Variants in RAPGEF1 observed in about 807,000 individuals in gnomAD.
RAPGEF1 encodes Rap guanine nucleotide exchange factor 1.
In RAPGEF1, 33 loss-of-function variants were observed where a neutral mutation model predicts 143.3. The observed-to-expected ratio is 0.23, with a 90% CI of 0.17 to 0.31. RAPGEF1 has a LOEUF of 0.31. Ranked by LOEUF, RAPGEF1 falls within the 10% of genes least tolerant of loss-of-function variation. RAPGEF1 has a pLI of 1.00. For synonymous variants in RAPGEF1, 629 were observed against 676.5 expected (o/e 0.93, Z 1.09); for missense variants, 1,199 against 1,645.4 (o/e 0.73, Z 4.69).
intron 1 of RAPGEF1, among the ~76,000 whole-genome samples, chr9:131,723,470 T>C (rs1274575781): frequency 6.6e-6 from 1 of 152,194 alleles, no homozygotes; most frequent in Non-Finnish European, 1.5e-5. Context: ...CCTCAGCGCC[T>C]TTCGGTTGCT....
At chr9:131,638,528 A>C (rs1966862255) in intron 5 of RAPGEF1, 107 bp downstream of exon 5, 1 of 1,284,978 alleles carries the variant, frequency 7.8e-7, no homozygotes, top group African/African-American at 1.5e-5. Flanking sequence ...AGACGCAGAA[A>C]GACATTCTAA....
At chr9:131,600,336 G>A (rs1956064141) in intron 15 of RAPGEF1, among the ~76,000 whole-genome samples, 3 of 152,110 alleles carry the variant, frequency 2.0e-5, no homozygotes, top group Admixed American at 2.0e-4. Context: ...ATACTTTGGG[G>A]TCCAGTGAAG....
chr9:131,639,437 AGTGTGTGT>A (rs3837234), intron 4 of RAPGEF1, among the ~76,000 whole-genome samples: 2,275 of 149,154 alleles, frequency 0.015, 19 homozygotes, highest in Middle Eastern at 0.031. Context: ...AACGCAGGTG[AGTGTGTGT>A]GTGTGTGTGT....
intron 12 of RAPGEF1, among the ~76,000 whole-genome samples, chr9:131,616,869 G>T (rs1041039194): frequency 1.3e-5 from 2 of 152,200 alleles, no homozygotes; most frequent in Non-Finnish European, 2.9e-5. Context: ...CCTTCTCTGA[G>T]GTTCCGGCAT....
At chr9:131,721,396 TAACTA>T (rs1409503755) in intron 1 of RAPGEF1, among the ~76,000 whole-genome samples, 20 of 152,104 alleles carry the variant, frequency 1.3e-4, no homozygotes, top group Non-Finnish European at 2.4e-4. Context: ...TCCGGATATC[TAACTA>T]AGAGGCTAGA....
At chr9:131,614,969 A>G (rs961909990) in intron 12 of RAPGEF1, among the ~76,000 whole-genome samples, 1 of 152,248 alleles carries the variant, frequency 6.6e-6, no homozygotes, top group Non-Finnish European at 1.5e-5. Context: ...AAATATTTCA[A>G]CAGATTTCTA....
rs1223009702 is a variant in RAPGEF1 at position 131,667,867 on chromosome 9, G to A, written c.62-16918C>T. ...TCTTTACCTCACTGGGCCGTTGGGA[G>A]GATGTCATACAGTACTGCACATACA... On this transcript the variant is annotated intron_variant, in intron 1 of 26. Coordinates refer to ENST00000683357, the MANE Select transcript of RAPGEF1 (RefSeq NM_001377935.1). This position sits in a 1 kb window ranked among gnomAD's most constrained non-coding sequence, Gnocchi z 4.6. Among the ~76,000 whole-genome samples, 1 of 152,180 alleles carries A rather than the reference G, an allele frequency of 6.6e-6. No individual in the cohort carries two copies. Among genetic ancestry groups the A allele is most frequent in the East Asian group, 1.9e-4 (1 of 5,198 alleles).
At chr9:131,605,466 T>A (rs1956972807) in intron 12 of RAPGEF1, among the ~76,000 whole-genome samples, 1 of 152,180 alleles carries the variant, frequency 6.6e-6, no homozygotes, top group Admixed American at 6.5e-5. Flanking sequence ...AGTGGCCACA[T>A]GCTCTGCTGG....
intron 1 of RAPGEF1, among the ~76,000 whole-genome samples, chr9:131,727,812 G>GA (rs5900954): frequency 6.6e-6 from 1 of 151,934 alleles, no homozygotes; most frequent in Non-Finnish European, 1.5e-5. Context: ...CTCATGAACA[G>GA]AAAAAAAACA....
intron 3 of RAPGEF1, among the ~76,000 whole-genome samples, chr9:131,644,059 A>G (rs910887090): frequency 6.6e-6 from 1 of 152,204 alleles, no homozygotes; most frequent in African/African-American, 2.4e-5. Context: ...GATGACCGTG[A>G]TTCTCAAGAT....
intron 1 of RAPGEF1, among the ~76,000 whole-genome samples, chr9:131,700,562 C>T (rs1256677329): frequency 6.6e-6 from 1 of 152,196 alleles, no homozygotes; most frequent in African/African-American, 2.4e-5. Context: ...GTTCAATAAA[C>T]ATTTGTTGGA....
chr9:131,599,561 T>C lies in RAPGEF1; in HGVS notation c.2502-1251A>G, dbSNP rs763429945. The stretch of plus-strand genomic sequence containing the variant: ...AGGTCGGGAGGCTTCTGGAATGGGA[T>C]GGGTGAGCCGAGGCTTGCAGTACTG... On this transcript the variant is annotated intron_variant, in intron 15 of 26. Coordinates refer to ENST00000683357, the MANE Select transcript of RAPGEF1 (RefSeq NM_001377935.1). Among the ~76,000 whole-genome samples, 5 of 151,664 alleles carry C rather than the reference T, an allele frequency of 3.3e-5. No homozygotes were observed. In the South Asian group the frequency reaches 1.0e-3, roughly 32 times the overall value.
At chr9:131,653,694 T>A (rs528426159) in intron 1 of RAPGEF1, among the ~76,000 whole-genome samples, 50 of 152,242 alleles carry the variant, frequency 3.3e-4, no homozygotes, top group Non-Finnish European at 6.2e-4. Flanking sequence ...TAACATGGTT[T>A]CTCTGCTTTG....
At chr9:131,611,322 C>T (rs34994028) in intron 12 of RAPGEF1, among the ~76,000 whole-genome samples, 4,176 of 152,250 alleles carry the variant, frequency 0.027, 90 homozygotes, top group Non-Finnish European at 0.045. Flanking sequence ...AAATAAACTC[C>T]TTAGTGGAGC....
Position 131,615,156 on chromosome 9 carries a change from T to C in RAPGEF1, c.2061+3895A>G, listed in dbSNP as rs569726485. Among the ~76,000 whole-genome samples the C allele has an allele frequency of 1.8e-4, 27 of 152,358 alleles. 2 individuals carry two copies. In the South Asian group the frequency reaches 5.2e-3, roughly 29 times the overall value. On this transcript the variant is annotated intron_variant, in intron 12 of 26. Transcript: ENST00000683357. ...GGCGCGATCTCCACTCACCGCAAGCTCCGCCTCCTGGGTTCACGCCATTCT... is the reference window on the plus strand; with the variant it reads ...GGCGCGATCTCCACTCACCGCAAGCCCCGCCTCCTGGGTTCACGCCATTCT...
chr9:131,603,653 G>A (rs565347067), intron 14 of RAPGEF1, among the ~76,000 whole-genome samples: 1 of 152,316 alleles, frequency 6.6e-6, no homozygotes, highest in South Asian at 2.1e-4. Flanking sequence ...ACCCCACAGA[G>A]AGCACTAGAT....
At chr9:131,709,792 CACCCAGCGGCAGA>C (rs1395743574) in intron 1 of RAPGEF1, 1 of 1,528,686 alleles carries the variant, frequency 6.5e-7, no homozygotes, top group Non-Finnish European at 8.8e-7. Context: ...CATCCCAAAC[CACCCAGCGGCAGA>C]ACCCAGGCAG....
chr9:131,674,145 A>G (rs547304402), intron 1 of RAPGEF1, among the ~76,000 whole-genome samples: 4 of 152,312 alleles, frequency 2.6e-5, no homozygotes, highest in South Asian at 4.1e-4. Flanking sequence ...GGATTGGGAT[A>G]TATCTAGTTT....
chr9:131,714,269 T>C (rs1206081146), intron 1 of RAPGEF1, among the ~76,000 whole-genome samples: 1 of 152,142 alleles, frequency 6.6e-6, no homozygotes, highest in African/African-American at 2.4e-5. Context: ...CAAGACGCTG[T>C]TGGCTCCAGA....
Sources: gnomAD v4.1 joint callset for allele counts (sites outside exome capture counted in the v4.1 genomes callset) on GRCh38, gnomAD v4.1.1 for gene constraint, Gnocchi (gnomAD v3.1) non-coding constraint, MANE v1.5 for transcripts, NCBI Gene and HGNC (gene_info 2026-07-23, HGNC 2026-07-21) for gene names.